Variants in DOCK6 observed in about 807,000 individuals in gnomAD.
The protein encoded by DOCK6 is dedicator of cytokinesis 6.
Under a neutral mutation model 230.3 loss-of-function variants are expected in DOCK6, and 167 were observed. That is an observed-to-expected ratio of 0.73 (90% CI 0.64 to 0.82). The LOEUF is 0.82. Ranked by LOEUF, DOCK6 falls within the 40% of genes least tolerant of loss-of-function variation. The probability of loss-of-function intolerance (pLI) is 0.00; values close to 1 mark genes in which losing one functional copy is unlikely to be tolerated. For missense variants in DOCK6, 2,598 were observed against 2,825.8 expected (o/e 0.92, Z 1.83); for synonymous variants, 1,148 against 1,185.0 (o/e 0.97, Z 0.64).
intron 7 of DOCK6, among the ~76,000 whole-genome samples, chr19:11,246,097 C>T (rs1272460605): frequency 2.6e-5 from 4 of 151,328 alleles, no homozygotes; most frequent in African/African-American, 7.3e-5. Flanking sequence ...GACAGAGTCT[C>T]GCTCTGTTGC....
At chr19:11,257,028 C>T (rs1599295803) in intron 1 of DOCK6, among the ~76,000 whole-genome samples, 1 of 151,768 alleles carries the variant, frequency 6.6e-6, no homozygotes, top group East Asian at 1.9e-4. Context: ...TTACTGTCGC[C>T]CAGGCTGGAA....
rs774098085 is a variant in DOCK6 at position 11,216,965 on chromosome 19, C to T, written c.3843G>A (p.Leu1281=). Reference sequence around the variant, plus strand: ...GGTACAGCAAATCCAACAGACGTCCCAGCTGGGGGAGTGTCAGGTCAGTGG... The same window carrying T: ...GGTACAGCAAATCCAACAGACGTCCTAGCTGGGGGAGTGTCAGGTCAGTGG... The part of the protein sequence containing the change: ...RWATDLTLPQ[L]GRLLDLLYLC... The change falls in exon 30 of 48, where the codon CTG becomes CTA. Residue 1281 remains leucine, a synonymous_variant. Transcript: ENST00000294618. 1 of 1,613,772 alleles carries T rather than the reference C, an allele frequency of 6.2e-7. No individual in the cohort carries two copies. The highest frequency in any genetic ancestry group is 8.5e-7 in the Non-Finnish European group (1 of 1,179,896).
In DOCK6 at chr19:11,262,478, CCCCGCCGCCGCCGCCGCCT is replaced by C; in HGVS notation, c.-57_-39del. 1.8e-6 allele frequency: 2 copies of C among 1,114,834 alleles called. No homozygotes were observed. Among genetic ancestry groups the C allele is most frequent in the Non-Finnish European group, 2.2e-6 (2 of 914,408 alleles). The allele number at this position is 1,114,834 out of a possible 1,614,324, so 69.1% of individuals were successfully genotyped here. ...CCGCCGCCGCCGCCCCGGGCCCCGG[CCCCGCCGCCGCCGCCGCCT>C]CCCGGTTCTGGGCAGCCGGGGCGGG... On this transcript the variant is annotated 5_prime_UTR_variant, in exon 1 of 48. Coordinates refer to ENST00000294618, the MANE Select transcript of DOCK6 (RefSeq NM_020812.4).
intron 14 of DOCK6, chr19:11,239,796 C>T (rs1207711494): frequency 1.9e-6 from 3 of 1,608,654 alleles, no homozygotes; most frequent in East Asian, 2.2e-5. Context: ...ACGGTGTGTA[C>T]AGGACCACGG....
chr19:11,230,215 T>C (rs1296804719), intron 22 of DOCK6, among the ~76,000 whole-genome samples: 4 of 152,118 alleles, frequency 2.6e-5, no homozygotes, highest in Non-Finnish European at 4.4e-5. Flanking sequence ...GGCAGGCACC[T>C]GTAATTCCAG....
intron 5 of DOCK6, chr19:11,251,517 C>T (rs1239039495): frequency 6.2e-6 from 1 of 160,108 alleles, no homozygotes; most frequent in Non-Finnish European, 1.4e-5. Flanking sequence ...GGGTCTCTGA[C>T]CCCCAACTCT....
intron 14 of DOCK6, chr19:11,239,899 G>A (rs1450478115): frequency 5.0e-6 from 8 of 1,592,572 alleles, no homozygotes; most frequent in Non-Finnish European, 5.1e-6. Flanking sequence ...CCGGGATGCA[G>A]CCCAGGAACT....
chr19:11,215,736 G>T (rs1367834965), intron 31 of DOCK6, 65 bp downstream of exon 31: 5 of 1,606,666 alleles, frequency 3.1e-6, no homozygotes, highest in Non-Finnish European at 4.3e-6. Flanking sequence ...CCTTCATGGG[G>T]TCCCCTTGAC....
chr19:11,261,291 G>A (rs1009589487), intron 1 of DOCK6, among the ~76,000 whole-genome samples: 6 of 151,844 alleles, frequency 4.0e-5, no homozygotes, highest in Non-Finnish European at 5.9e-5. Context: ...TTGCTCAAAG[G>A]CACCTGCTCA....
rs924359421 is a variant in DOCK6, at chr19:11,202,875, A to C, written c.5236-166T>G. On this transcript the variant is annotated intron_variant, in intron 41 of 47. Coordinates refer to ENST00000294618, the MANE Select transcript of DOCK6 (RefSeq NM_020812.4). This position sits in a 1 kb window ranked among gnomAD's most constrained non-coding sequence, Gnocchi z 5.3. ...TGAGAACATTGGGGCATGGATTGCA[A>C]TAGGAAGTTAGGACTGGGGCTGTAT... Among the ~76,000 whole-genome samples, 1 of 151,938 alleles carries C rather than the reference A, an allele frequency of 6.6e-6. No individual in the cohort carries two copies. Among genetic ancestry groups the C allele is most frequent in the Non-Finnish European group, 1.5e-5 (1 of 67,996 alleles).
At position 11,222,389 on chromosome 19, in the gene DOCK6, TG is replaced by T; in HGVS notation, c.3241-142del. The stretch of plus-strand genomic sequence containing the variant: ...AGACTGATGTTAAGTCATCTGGAGG[TG>T]ACAGTGGGCATGGGTTTCAAGGCCA... On this transcript the variant is annotated intron_variant, in intron 26 of 47. Coordinates refer to ENST00000294618, the MANE Select transcript of DOCK6 (RefSeq NM_020812.4). This position sits in a 1 kb window ranked among gnomAD's most constrained non-coding sequence, Gnocchi z 4.0. The T allele has an allele frequency of 4.1e-6, 5 of 1,224,796 alleles. No individual in the cohort carries two copies. Among genetic ancestry groups the T allele is most frequent in the Non-Finnish European group, 5.6e-6 (5 of 890,092 alleles). The allele number at this position is 1,224,796 out of a possible 1,614,324, so 75.9% of individuals were successfully genotyped here.
intron 7 of DOCK6, chr19:11,247,368 A>T (rs1264423827): frequency 6.6e-6 from 1 of 152,068 alleles, no homozygotes; most frequent in East Asian, 1.9e-4. Flanking sequence ...TATTAGGATT[A>T]CAGGTGGGAG....
chr19:11,239,981 A>G (rs1324486072), intron 14 of DOCK6: 6 of 1,554,130 alleles, frequency 3.9e-6, no homozygotes, highest in Non-Finnish European at 4.4e-6. Flanking sequence ...GAGTCCAAAG[A>G]GGAGTTCGTG....
chr19:11,261,982 A>G (rs1281976613), intron 1 of DOCK6, among the ~76,000 whole-genome samples: 2 of 152,102 alleles, frequency 1.3e-5, no homozygotes, highest in Non-Finnish European at 2.9e-5. Flanking sequence ...CAAACCAGGC[A>G]CTGAGGAAGG....
intron 30 of DOCK6, 165 bp from the exon 31 acceptor site, chr19:11,216,092 T>G: frequency 1.3e-6 from 1 of 773,988 alleles, no homozygotes; most frequent in Non-Finnish European, 1.9e-6. Context: ...AAAAAAAAAT[T>G]TTTTTTTTTT....
Position 11,204,103 on chromosome 19 carries a change from G to T in DOCK6, c.5221-8C>A, listed in dbSNP as rs1396637429. Reference sequence around the variant, plus strand: ...CACCTCCCAGCCGGAACTCTGTGGGGAAGAGAAGGGTCAAGGTCAGCAGAT... The same window carrying T: ...CACCTCCCAGCCGGAACTCTGTGGGTAAGAGAAGGGTCAAGGTCAGCAGAT... On this transcript the variant is annotated splice_region_variant and splice_polypyrimidine_tract_variant and intron_variant, in intron 40 of 47. Coordinates refer to ENST00000294618, the MANE Select transcript of DOCK6 (RefSeq NM_020812.4). 6.5e-7 allele frequency: 1 copy of T among 1,547,314 alleles called. No homozygotes were observed. The highest frequency in any genetic ancestry group is 8.7e-7 in the Non-Finnish European group (1 of 1,145,320).
At chr19:11,257,730 A>G (rs534680658) in intron 1 of DOCK6, among the ~76,000 whole-genome samples, 1 of 152,086 alleles carries the variant, frequency 6.6e-6, no homozygotes, top group South Asian at 2.1e-4. Flanking sequence ...TGGAGGTTGC[A>G]GTGAGCCGAG....
intron 7 of DOCK6, 88 bp downstream of exon 7, chr19:11,247,978 A>G: frequency 8.8e-7 from 1 of 1,141,348 alleles, no homozygotes. Flanking sequence ...CGCACACGGT[A>G]ATGGCACTAC....
chr19:11,206,786 CA>C (rs749257242), intron 39 of DOCK6, among the ~76,000 whole-genome samples: 1 of 151,174 alleles, frequency 6.6e-6, no homozygotes, highest in Non-Finnish European at 1.5e-5. Flanking sequence ...AAGGGTTGCA[CA>C]GGGGGTACTT....
Sources: allele counts gnomAD v4.1 joint callset (sites outside exome capture counted in the v4.1 genomes callset), GRCh38; gene constraint gnomAD v4.1.1; non-coding constraint Gnocchi (gnomAD v3.1); transcripts MANE v1.5; gene names NCBI Gene and HGNC (gene_info 2026-07-23, HGNC 2026-07-21).